Variants in USP24 observed in about 807,000 individuals in gnomAD.
USP24 encodes the protein ubiquitin specific peptidase 24.
A neutral mutation model predicts 361.6 loss-of-function variants in USP24; 97 were observed. That is an observed-to-expected ratio of 0.27 (90% CI 0.23 to 0.32). USP24 has a LOEUF of 0.32. USP24 is among the 10% of genes least tolerant of loss of function. USP24 has a pLI of 1.00. For synonymous variants in USP24, 1,098 were observed against 1,124.6 expected, an observed-to-expected ratio of 0.98 and a Z score of 0.47; for missense variants, 2,353 against 3,165.6, an observed-to-expected ratio of 0.74 and a Z score of 6.16.
At chr1:55,101,197 T>C (rs1645625151) in intron 43 of USP24, among the ~76,000 whole-genome samples, 1 of 152,230 alleles carries the variant, frequency 6.6e-6, no homozygotes. Flanking sequence ...CCAGGTTCTC[T>C]ACAGGAAATA....
chr1:55,210,366 A>G (rs1199081354), intron 1 of USP24, among the ~76,000 whole-genome samples: 4 of 151,498 alleles, frequency 2.6e-5, no homozygotes, highest in South Asian at 2.1e-4. Flanking sequence ...TTTTTACTCT[A>G]AAGCCTTTAA....
chr1:55,185,241 A>C (rs1165218), intron 1 of USP24, among the ~76,000 whole-genome samples: 146,716 of 152,044 alleles, frequency 0.96, 70,992 homozygotes, highest in East Asian at 1. Flanking sequence ...GTGTGAGCCA[A>C]CATATCTGGT....
At position 55,141,659 on chromosome 1, in the gene USP24, T is replaced by C; in HGVS notation, c.2707A>G (p.Thr903Ala). ...GAGGTTGCTACAGTTGGCATGGCAGTTGCTGTAAGCATTTTTGTTGCTCTG... is the reference window on the plus strand; with the variant it reads ...GAGGTTGCTACAGTTGGCATGGCAGCTGCTGTAAGCATTTTTGTTGCTCTG... Reference protein sequence around the residue: ...VTRATKMLTATAMPTVATSVQ... With the variant: ...VTRATKMLTAAAMPTVATSVQ... The change falls in exon 24 of 68, where the codon ACT (threonine) becomes GCT (alanine). Residue 903 changes from threonine (T) to alanine (A), a missense_variant. Around this residue, in one of 8 missense-constraint regions of USP24, gnomAD observed 949 missense variants for 1,280.5 expected, o/e 0.74. Coordinates refer to ENST00000294383, the MANE Select transcript of USP24 (RefSeq NM_015306.3). The C allele has an allele frequency of 1.2e-6, 2 of 1,612,502 alleles. No individual in the cohort carries two copies. The highest frequency in any genetic ancestry group is 8.5e-7 in the Non-Finnish European group (1 of 1,179,264).
chr1:55,178,675 CA>C (rs1650243394), intron 1 of USP24, among the ~76,000 whole-genome samples: 1 of 117,468 alleles, frequency 8.5e-6, no homozygotes, highest in Non-Finnish European at 1.7e-5. Flanking sequence ...GACTCCGTCT[CA>C]AAATAAATAA....
chr1:55,162,649 A>C (rs373519079), intron 7 of USP24, among the ~76,000 whole-genome samples: 1 of 152,158 alleles, frequency 6.6e-6, no homozygotes, highest in Non-Finnish European at 1.5e-5. Flanking sequence ...AAACCTTACT[A>C]AAATACATTA....
At chr1:55,142,939 C>T in intron 22 of USP24, 40 bp downstream of exon 22, 1 of 1,464,888 alleles carries the variant, frequency 6.8e-7, no homozygotes, top group Non-Finnish European at 9.2e-7. Flanking sequence ...TAATTTTCTG[C>T]TTTTTTGTAT....
At chr1:55,072,623 G>C (rs1415066554) in intron 65 of USP24, among the ~76,000 whole-genome samples, 163 bp downstream of exon 65, 1 of 152,082 alleles carries the variant, frequency 6.6e-6, no homozygotes, top group Non-Finnish European at 1.5e-5. Flanking sequence ...TATGTATTAG[G>C]ACAAATTTAA....
At chr1:55,098,678 G>C in intron 45 of USP24, 120 bp from the exon 46 acceptor site, 2 of 727,734 alleles carry the variant, frequency 2.7e-6, no homozygotes, top group Non-Finnish European at 4.8e-6. Context: ...GGTAGTATCA[G>C]CTGTGGTGAA....
At position 55,107,255 on chromosome 1, in the gene USP24, T is replaced by C. The variant is rs1315116764; in HGVS notation, c.4746A>G (p.Ala1582=). The change falls in exon 40 of 68, where the codon GCA becomes GCG. Residue 1582 remains alanine (A), a synonymous_variant. Coordinates refer to ENST00000294383, the MANE Select transcript of USP24 (RefSeq NM_015306.3). ...LIKTLLSLCG[A]EKEMLGSSLI... ...AATAATTACCAAGCATTTCCTTTTC[T>C]GCCCCACAGAGTGAAAGAAGGGTCT... 8 of 1,610,074 alleles carry C rather than the reference T, an allele frequency of 5.0e-6. No homozygotes were observed. In the African/African-American group the frequency reaches 1.1e-4, roughly 22 times the overall value.
At chr1:55,095,811 TACTATATCCAACTCTTA>T (rs1384921196) in intron 50 of USP24, among the ~76,000 whole-genome samples, 1 of 152,196 alleles carries the variant, frequency 6.6e-6, no homozygotes, top group Non-Finnish European at 1.5e-5. Context: ...ATTCTGACAA[TACTATATCCAACTCTTA>T]AAGGTTACCA....
chr1:55,176,190 A>T (rs1038138166), intron 3 of USP24, among the ~76,000 whole-genome samples, 186 bp downstream of exon 3: 1 of 152,256 alleles, frequency 6.6e-6, no homozygotes, highest in African/African-American at 2.4e-5. Flanking sequence ...AATATAAAAG[A>T]AGTAAATCAT....
chr1:55,144,060 T>A, intron 21 of USP24, 67 bp downstream of exon 21: 2 of 1,318,166 alleles, frequency 1.5e-6, no homozygotes, highest in Non-Finnish European at 2.0e-6. Context: ...TAACACTTTT[T>A]TTTTTGCTGA....
intron 1 of USP24, among the ~76,000 whole-genome samples, chr1:55,199,616 T>TGAGA (rs754249587): frequency 2.5e-4 from 36 of 144,926 alleles, no homozygotes; most frequent in African/African-American, 6.9e-4. Flanking sequence ...TGTGTGTGTG[T>TGAGA]GTGTGTGAGA....
chr1:55,146,791 T>C, intron 19 of USP24, 138 bp downstream of exon 19: 1 of 934,038 alleles, frequency 1.1e-6, no homozygotes, highest in Non-Finnish European at 1.5e-6. Context: ...TAAAACATTT[T>C]TTCAGCACTT....
chr1:55,096,711 T>G (rs1256149952), intron 49 of USP24, 89 bp from the exon 50 acceptor site: 5 of 1,500,562 alleles, frequency 3.3e-6, no homozygotes, highest in African/African-American at 1.4e-5. Flanking sequence ...TGTCTACAAA[T>G]AAAGCAGGTG....
At chr1:55,117,852 A>T (rs1029876135) in intron 38 of USP24, among the ~76,000 whole-genome samples, 2 of 152,134 alleles carry the variant, frequency 1.3e-5, no homozygotes, top group Non-Finnish European at 1.5e-5. Flanking sequence ...TTACACTAAC[A>T]ATGATCAAAC....
chr1:55,119,205 T>C (rs1646207025), intron 38 of USP24, among the ~76,000 whole-genome samples: 1 of 152,310 alleles, frequency 6.6e-6, no homozygotes, highest in Middle Eastern at 3.4e-3. Context: ...ACAAATATGG[T>C]TTATACATAC....
At chr1:55,138,470 TC>T (rs1328658446) in intron 26 of USP24, 137 bp downstream of exon 26, 4 of 581,040 alleles carry the variant, frequency 6.9e-6, no homozygotes, top group Non-Finnish European at 6.1e-6. Flanking sequence ...CCCCACAGTT[TC>T]ATTTCAGGTC....
chr1:55,128,569 A>G (rs1229312577), intron 32 of USP24, among the ~76,000 whole-genome samples: 1 of 152,016 alleles, frequency 6.6e-6, no homozygotes, highest in Non-Finnish European at 1.5e-5. Context: ...CTAGGTAAAT[A>G]ATTTCCCAAT....
Sources: allele counts gnomAD v4.1 joint callset (sites outside exome capture counted in the v4.1 genomes callset), GRCh38; gene constraint gnomAD v4.1.1; regional missense constraint gnomAD v4.1.1; transcripts MANE v1.5; gene names NCBI Gene and HGNC (gene_info 2026-07-23, HGNC 2026-07-21).